Variants in AZIN2 observed in about 807,000 individuals in gnomAD.
The protein encoded by AZIN2 is ODC antizyme inhibitor-2.
Under a neutral mutation model 47.8 loss-of-function variants are expected in AZIN2, and 28 were observed. The observed-to-expected ratio is 0.59, with a 90% CI of 0.43 to 0.80. The LOEUF (loss-of-function observed/expected upper bound fraction) is 0.80. AZIN2 is among the 30% of genes least tolerant of loss of function. AZIN2 has a pLI of 0.00. For synonymous variants in AZIN2, 221 were observed against 239.4 expected (o/e 0.92, Z 0.71); for missense variants, 535 against 582.5 (o/e 0.92, Z 0.84).
the AZIN2 span, among the ~76,000 whole-genome samples, chr1:33,161,703 T>A: frequency 6.6e-6 from 1 of 152,220 alleles, no homozygotes; most frequent in East Asian, 1.9e-4. The surrounding 1 kb of genome is among the most constrained non-coding windows in gnomAD (Gnocchi z 4.3). Flanking sequence ...ATGGGGAAGA[T>A]GGGGTCCGTC....
At chr1:33,082,513 T>A in intron 4 of AZIN2, 159 bp downstream of exon 4, 1 of 578,338 alleles carries the variant, frequency 1.7e-6, no homozygotes, top group Admixed American at 3.3e-5. Flanking sequence ...CAATTCTTTG[T>A]CCTTGCCCCC....
rs1031062003 is a variant in AZIN2 at position 33,096,918 on chromosome 1, A to G, written c.916+49A>G. Reference sequence around the variant, plus strand: ...GCCCTGTTCTCCCCTGAAGCTTCAGATAGTGGTTGGCTGAGCAGGATCTGG... The same window carrying G: ...GCCCTGTTCTCCCCTGAAGCTTCAGGTAGTGGTTGGCTGAGCAGGATCTGG... On this transcript the variant is annotated intron_variant, in intron 9 of 11. Transcript: ENST00000294517. The G allele has an allele frequency of 7.4e-6, 12 of 1,611,232 alleles. No individual in the cohort carries two copies. In the African/African-American group the frequency reaches 1.6e-4, roughly 22 times the overall value.
the AZIN2 span, chr1:33,158,227 C>G: frequency 2.5e-6 from 4 of 1,603,610 alleles, no homozygotes; most frequent in Non-Finnish European, 3.4e-6. Flanking sequence ...CCACCTAGCT[C>G]TGGACCATGA....
the AZIN2 span, among the ~76,000 whole-genome samples, chr1:33,151,012 G>A: frequency 6.6e-6 from 1 of 152,110 alleles, no homozygotes; most frequent in Non-Finnish European, 1.5e-5. Context: ...AAGGACTGGT[G>A]CGGGGCGGGG....
At chr1:33,131,411 G>A in the AZIN2 span, among the ~76,000 whole-genome samples, 1 of 152,200 alleles carries the variant, frequency 6.6e-6, no homozygotes, top group African/African-American at 2.4e-5. Flanking sequence ...GTCTAAATCT[G>A]TGCTGTCTGT....
At chr1:33,150,262 T>G in the AZIN2 span, among the ~76,000 whole-genome samples, 1 of 152,184 alleles carries the variant, frequency 6.6e-6, no homozygotes, top group Non-Finnish European at 1.5e-5. Flanking sequence ...ACTGGCGAAG[T>G]GGGGACATGG....
At chr1:33,085,277 G>C (rs2124466785) in intron 5 of AZIN2, among the ~76,000 whole-genome samples, 1 of 151,822 alleles carries the variant, frequency 6.6e-6, no homozygotes, top group South Asian at 2.1e-4. Context: ...TAGTATTTTA[G>C]ATGGAAAATG....
In AZIN2 at chr1:33,096,878, C is replaced by T. The variant is rs1333378928; in HGVS notation, c.916+9C>T. ...CCAGCCTGGCAGGGAGGGTAGGTGC[C>T]AGGTGGGCAGTGGAGCCCTGTTCTC... On this transcript the variant is annotated intron_variant, in intron 9 of 11. Coordinates refer to ENST00000294517, the MANE Select transcript of AZIN2 (RefSeq NM_052998.4). The T allele has an allele frequency of 1.9e-6, 3 of 1,614,052 alleles. No homozygotes were observed. Among genetic ancestry groups the T allele is most frequent in the Non-Finnish European group, 2.5e-6 (3 of 1,179,996 alleles).
the AZIN2 span, among the ~76,000 whole-genome samples, chr1:33,166,728 C>T: frequency 2.0e-5 from 3 of 152,008 alleles, no homozygotes; most frequent in Non-Finnish European, 2.9e-5. Flanking sequence ...ATGACTCCTG[C>T]GATGAATAAC....
At chr1:33,084,848 C>A (rs749220810) in intron 5 of AZIN2, among the ~76,000 whole-genome samples, 15 of 152,170 alleles carry the variant, frequency 9.9e-5, no homozygotes, top group Non-Finnish European at 2.1e-4. Context: ...GATCCACCCG[C>A]CTCAGCCTCC....
Position 33,117,984 on chromosome 1 carries a change from T to C in AZIN2, c.1112T>C (p.Leu371Pro), listed in dbSNP as rs1012212129. The change falls in exon 11 of 12, where the codon CTG becomes CCG. Residue 371 changes from leucine (L) to proline (P), a missense_variant. Leu to Pro is a moderately conservative substitution (Grantham distance 98). Transcript: ENST00000294517. ...VDGCDCVAEG[L>P]WLPQLHVGDW... The stretch of plus-strand genomic sequence containing the variant: ...GGCTGTGATTGCGTGGCTGAGGGCC[T>C]GTGGCTGCCGCAACTACACGTAGGG... The C allele has an allele frequency of 3.1e-6, 5 of 1,610,744 alleles. No individual in the cohort carries two copies. The highest frequency in any genetic ancestry group is 4.2e-6 in the Non-Finnish European group (5 of 1,178,336).
the AZIN2 span, chr1:33,164,421 C>A: frequency 6.6e-6 from 1 of 152,318 alleles, no homozygotes; most frequent in African/African-American, 2.4e-5. Flanking sequence ...AGTGGGGACT[C>A]CACCCGGCAC....
chr1:33,127,913 A>AC (rs1644868379), downstream of AZIN2, among the ~76,000 whole-genome samples: 1 of 152,078 alleles, frequency 6.6e-6, no homozygotes, highest in South Asian at 2.1e-4. Flanking sequence ...CGTCTTAATG[A>AC]CAAGGACTCC....
At chr1:33,153,965 T>C in the AZIN2 span, among the ~76,000 whole-genome samples, 1 of 152,100 alleles carries the variant, frequency 6.6e-6, no homozygotes, top group Non-Finnish European at 1.5e-5. Context: ...AGTGAGACCA[T>C]GTAAGCCCAG....
At chr1:33,135,147 G>A in the AZIN2 span, among the ~76,000 whole-genome samples, 3 of 152,230 alleles carry the variant, frequency 2.0e-5, no homozygotes, top group African/African-American at 7.2e-5. Flanking sequence ...AAATTTAGCC[G>A]GGCATGGTGG....
At chr1:33,096,586 C>G in intron 8 of AZIN2, 121 bp from the exon 9 acceptor site, 1 of 1,300,690 alleles carries the variant, frequency 7.7e-7, no homozygotes. Flanking sequence ...TTAGCAGCTG[C>G]CAAATCCTTC....
intron 10 of AZIN2, among the ~76,000 whole-genome samples, chr1:33,115,775 T>A (rs1020142770): frequency 2.0e-5 from 3 of 152,208 alleles, no homozygotes; most frequent in Non-Finnish European, 2.9e-5. Flanking sequence ...ATTTAAAATC[T>A]TTTTTCACCT....
the AZIN2 span, among the ~76,000 whole-genome samples, chr1:33,152,250 T>C: frequency 1.3e-5 from 2 of 152,148 alleles, no homozygotes; most frequent in Non-Finnish European, 2.9e-5. Context: ...TCCCAGCATG[T>C]GGCCCCAGAA....
the AZIN2 span, among the ~76,000 whole-genome samples, chr1:33,130,485 A>G: frequency 6.6e-6 from 1 of 152,212 alleles, no homozygotes; most frequent in Non-Finnish European, 1.5e-5. Flanking sequence ...GTCAAAGAAC[A>G]GATGACTAAT....
Sources: allele counts gnomAD v4.1 joint callset (sites outside exome capture counted in the v4.1 genomes callset), GRCh38; gene constraint gnomAD v4.1.1; non-coding constraint Gnocchi (gnomAD v3.1); transcripts MANE v1.5; gene names NCBI Gene and HGNC (gene_info 2026-07-23, HGNC 2026-07-21).